Variants in GAB2 observed in about 807,000 individuals in gnomAD.
The protein encoded by GAB2 is GRB2-associated-binding protein 2.
Under a neutral mutation model 65.5 loss-of-function variants are expected in GAB2, and 26 were observed. The ratio of observed to expected loss-of-function variants is 0.40; its 90% CI spans 0.29 to 0.55. The LOEUF (loss-of-function observed/expected upper bound fraction) is 0.55, where lower values mean the gene tolerates loss of function less well. GAB2 is among the 20% of genes least tolerant of loss of function. The pLI is 0.53. For synonymous variants in GAB2, 321 were observed against 329.6 expected (o/e 0.97, Z 0.28); for missense variants, 884 against 875.8 (o/e 1.01, Z -0.12).
intron 2 of GAB2, 117 bp from the exon 3 acceptor site, chr11:78,250,517 A>G: frequency 1.1e-6 from 1 of 898,370 alleles, no homozygotes; most frequent in Non-Finnish European, 1.8e-6. Context: ...CAGCACTAGC[A>G]TTCTCTCCCT....
intron 1 of GAB2, among the ~76,000 whole-genome samples, chr11:78,290,091 G>A (rs1392721233): frequency 6.6e-5 from 10 of 151,828 alleles, no homozygotes; most frequent in East Asian, 1.9e-4. Flanking sequence ...GGCAAAGTGC[G>A]GGAGACAAAC....
intron 3 of GAB2, among the ~76,000 whole-genome samples, chr11:78,228,573 G>A (rs1864754200): frequency 6.6e-6 from 1 of 152,202 alleles, no homozygotes; most frequent in Non-Finnish European, 1.5e-5. Context: ...GCCACCAGAT[G>A]GTGTTAGAAA....
intron 1 of GAB2, among the ~76,000 whole-genome samples, chr11:78,374,516 G>A (rs955342477): frequency 6.6e-6 from 1 of 152,148 alleles, no homozygotes; most frequent in Admixed American, 6.5e-5. Context: ...ATAAGTTAGT[G>A]AAGTTGTTAC....
chr11:78,327,529 C>T (rs1855845167), intron 1 of GAB2, among the ~76,000 whole-genome samples: 1 of 152,066 alleles, frequency 6.6e-6, no homozygotes. Context: ...CATTAAAGTG[C>T]ACAGAGGTAG....
chr11:78,391,317 A>T (rs7128666), intron 1 of GAB2, among the ~76,000 whole-genome samples: 24,205 of 152,134 alleles, frequency 0.16, 2,587 homozygotes, highest in East Asian at 0.41. Flanking sequence ...TAAATAAAAT[A>T]AAAATTAAAA....
At chr11:78,323,874 T>C (rs1008160928) in intron 1 of GAB2, among the ~76,000 whole-genome samples, 1 of 140,294 alleles carries the variant, frequency 7.1e-6, no homozygotes, top group Non-Finnish European at 1.5e-5. Flanking sequence ...CTCAGCTCAC[T>C]GCAACCTCCG....
chr11:78,404,501 T>G (rs540686202), intron 1 of GAB2, among the ~76,000 whole-genome samples: 7 of 152,352 alleles, frequency 4.6e-5, no homozygotes, highest in Non-Finnish European at 1.0e-4. Flanking sequence ...GAGCCAAGAT[T>G]GTACCACTAC....
chr11:78,304,056 A>T (rs890764616), intron 1 of GAB2, among the ~76,000 whole-genome samples: 2 of 151,926 alleles, frequency 1.3e-5, no homozygotes, highest in Non-Finnish European at 2.9e-5. Flanking sequence ...ATTATAATTA[A>T]ATTATTTTAA....
At chr11:78,317,383 T>A (rs548039536) in intron 1 of GAB2, among the ~76,000 whole-genome samples, 2 of 152,070 alleles carry the variant, frequency 1.3e-5, no homozygotes, top group Admixed American at 6.5e-5. Context: ...AACATGGTGA[T>A]ACCCCATCTC....
intron 3 of GAB2, among the ~76,000 whole-genome samples, chr11:78,232,488 T>TA (rs1208798136): frequency 1.3e-5 from 2 of 152,238 alleles, no homozygotes; most frequent in Admixed American, 1.3e-4. Context: ...AAAAGAACTC[T>TA]ATTTGTCTTG....
At position 78,219,263 on chromosome 11, in the gene GAB2, G is replaced by C; in HGVS notation, c.*9C>G. The C allele has an allele frequency of 6.2e-7, 1 of 1,612,026 alleles. No individual in the cohort carries two copies. The highest frequency in any genetic ancestry group is 8.5e-7 in the Non-Finnish European group (1 of 1,179,442). ...ATGCTGCCTCCTGGGCTCTGCGGTG[G>C]CCCTCTCATCACAGCTTGGCACCCT... is the stretch of plus-strand genomic sequence containing the variant. On this transcript the variant is annotated 3_prime_UTR_variant, in exon 10 of 10. Coordinates refer to ENST00000361507, the MANE Select transcript of GAB2 (RefSeq NM_080491.3).
At chr11:78,315,039 A>T (rs1227663829) in intron 1 of GAB2, among the ~76,000 whole-genome samples, 1 of 152,222 alleles carries the variant, frequency 6.6e-6, no homozygotes, top group Non-Finnish European at 1.5e-5. Context: ...AACAGGCTGG[A>T]CACAGACTGT....
At chr11:78,384,202 G>C (rs1856736446) in intron 1 of GAB2, among the ~76,000 whole-genome samples, 1 of 152,182 alleles carries the variant, frequency 6.6e-6, no homozygotes, top group African/African-American at 2.4e-5. Context: ...ACTCTTCCTA[G>C]AGCAAATGAT....
intron 2 of GAB2, among the ~76,000 whole-genome samples, chr11:78,277,530 A>C (rs868561149): frequency 3.0e-4 from 45 of 152,264 alleles, no homozygotes; most frequent in Admixed American, 2.6e-3. Context: ...CTCAGGAGAT[A>C]GGCAAGTCTC....
intron 1 of GAB2, among the ~76,000 whole-genome samples, chr11:78,300,704 T>G (rs7119382): frequency 7.7e-5 from 11 of 143,146 alleles, no homozygotes; most frequent in African/African-American, 1.6e-4. Context: ...TGTTTTTTTT[T>G]TTTTTTTTGA....
intron 1 of GAB2, among the ~76,000 whole-genome samples, chr11:78,376,188 G>C (rs1279947448): frequency 6.6e-6 from 1 of 152,198 alleles, no homozygotes; most frequent in East Asian, 1.9e-4. Context: ...ATTGTAGTCA[G>C]CTCTCTTTGA....
At chr11:78,225,323 C>A (rs1388592276) in intron 4 of GAB2, 121 bp from the exon 5 acceptor site, 2 of 635,562 alleles carry the variant, frequency 3.1e-6, no homozygotes, top group East Asian at 2.8e-5. Flanking sequence ...ACTCTCAACC[C>A]CAAATGATAA....
chr11:78,400,901 CAAAAAA>C (rs59240034), intron 1 of GAB2, among the ~76,000 whole-genome samples: 4 of 65,260 alleles, frequency 6.1e-5, no homozygotes, highest in African/African-American at 1.8e-4. Context: ...GAGACTGTCT[CAAAAAA>C]AAAAAAAAAA....
At chr11:78,351,561 G>C (rs560750425) in intron 1 of GAB2, among the ~76,000 whole-genome samples, 1 of 152,130 alleles carries the variant, frequency 6.6e-6, no homozygotes, top group African/African-American at 2.4e-5. Context: ...ATGAGCTTTC[G>C]TTCTCACATC....
Sources: allele counts gnomAD v4.1 joint callset (sites outside exome capture counted in the v4.1 genomes callset), GRCh38; gene constraint gnomAD v4.1.1; transcripts MANE v1.5; gene names NCBI Gene and HGNC (gene_info 2026-07-23, HGNC 2026-07-21).